ZNF184: variants seen among roughly 807,000 people sequenced by gnomAD.
ZNF184 encodes the protein zinc finger protein 184 (Kruppel-like).
A neutral mutation model predicts 54.4 loss-of-function variants in ZNF184; 16 were observed. The ratio of observed to expected loss-of-function variants is 0.29; its 90% CI spans 0.20 to 0.45. The LOEUF is 0.45. Among genes scored for constraint, ZNF184 ranks in the 20% least tolerant of loss-of-function variants. ZNF184 has a pLI of 1.00. For missense variants in ZNF184, 681 were observed against 888.2 expected, an observed-to-expected ratio of 0.77 and a Z score of 2.97; for synonymous variants, 254 against 295.3, an observed-to-expected ratio of 0.86 and a Z score of 1.43.
rs375414852 is a variant in ZNF184, at chr6:27,465,442, G to A, written c.75+2411C>T. Among the ~76,000 whole-genome samples, 66 of 108,346 alleles carry A rather than the reference G, an allele frequency of 6.1e-4. 1 individual carries two copies. Among genetic ancestry groups the A allele is most frequent in the African/African-American group, 2.2e-3 (61 of 27,718 alleles). 71.1% of individuals were successfully genotyped at this position (108,346 alleles called of 152,430 possible). A position where few individuals can be genotyped will look rare whatever the true frequency, so the allele number is the denominator to read the frequency against. ...GGAGCTTGCAGTGAGCTGAGATCGC[G>A]CCACTGCACTCCAGGCTGGGCAACA... On this transcript the variant is annotated intron_variant, in intron 3 of 5. Transcript: ENST00000683788.
the ZNF184 span, among the ~76,000 whole-genome samples, chr6:27,428,925 G>A: frequency 2.0e-5 from 3 of 152,208 alleles, no homozygotes; most frequent in African/African-American, 7.2e-5. The surrounding 1 kb of genome is among the most constrained non-coding windows in gnomAD (Gnocchi z 4.1). Context: ...CTGGCTAAGT[G>A]TTGGTGAGTG....
downstream of ZNF184, among the ~76,000 whole-genome samples, chr6:27,447,168 T>C (rs1762647403): frequency 6.6e-6 from 1 of 152,098 alleles, no homozygotes; most frequent in Admixed American, 6.5e-5. Flanking sequence ...TGGAGAGAAT[T>C]TGCCTCAGGA....
At chr6:27,443,695 A>G in the ZNF184 span, among the ~76,000 whole-genome samples, 1 of 152,072 alleles carries the variant, frequency 6.6e-6, no homozygotes, top group East Asian at 1.9e-4. Context: ...CCTCCCTTTA[A>G]TACTTCAACT....
At chr6:27,461,362 A>G (rs571628367) in intron 3 of ZNF184, among the ~76,000 whole-genome samples, 2 of 152,238 alleles carry the variant, frequency 1.3e-5, no homozygotes, top group Admixed American at 1.3e-4. Flanking sequence ...TTGCTGTAAT[A>G]TTTGTTAGCC....
At chr6:27,422,151 AGAAAGAAAGAAAGAAAGAAAGAAAG>A in the ZNF184 span, among the ~76,000 whole-genome samples, 9 of 89,628 alleles carry the variant, frequency 1.0e-4, 1 homozygote, top group African/African-American at 4.5e-4. Context: ...AAAAAAAAAA[AGAAAGAAAGAAAGAAAGAAAGAAAG>A]AAAGAAAGAA....
At chr6:27,466,538 C>G (rs1394426597) in intron 3 of ZNF184, among the ~76,000 whole-genome samples, 1 of 152,120 alleles carries the variant, frequency 6.6e-6, no homozygotes, top group African/African-American at 2.4e-5. Flanking sequence ...ATTCAAGTCA[C>G]ACAAGGTATG....
the ZNF184 span, among the ~76,000 whole-genome samples, chr6:27,444,132 T>G: frequency 6.6e-6 from 1 of 152,138 alleles, no homozygotes; most frequent in East Asian, 1.9e-4. Context: ...TGACCTGATC[T>G]CCTCTTCTTA....
the ZNF184 span, among the ~76,000 whole-genome samples, chr6:27,417,651 A>G: frequency 1.3e-5 from 2 of 152,194 alleles, no homozygotes; most frequent in African/African-American, 4.8e-5. Context: ...GTGTAAATAA[A>G]GAGATTGGAT....
rs1046716309 is a variant in ZNF184 at position 27,451,906 on chromosome 6, A to G, written c.1653T>C (p.Ile551=). 6.2e-7 allele frequency: 1 copy of G among 1,612,456 alleles called. No homozygotes were observed. The highest frequency in any genetic ancestry group is 8.5e-7 in the Non-Finnish European group (1 of 1,179,988). The stretch of plus-strand genomic sequence containing the variant: ...ACTGATAGGGTTTCTCTCCAGTATG[A>G]ATTCTTTCATGCTTAGCAAGAGATG... ...RSSSLAKHER[I]HTGEKPYQCH... Residue 551 remains isoleucine (I), a synonymous_variant, in exon 6 of 6, where the codon ATT becomes ATC. Transcript: ENST00000683788.
chr6:27,465,171 AAAGAAAAG>A (rs1418568405), intron 3 of ZNF184, among the ~76,000 whole-genome samples: 2 of 144,174 alleles, frequency 1.4e-5, no homozygotes, highest in African/African-American at 5.2e-5. Context: ...TTTAAAAAAA[AAAGAAAAG>A]AAAAGAAAAG....
the ZNF184 span, among the ~76,000 whole-genome samples, chr6:27,439,069 A>G: frequency 6.6e-6 from 1 of 152,226 alleles, no homozygotes; most frequent in African/African-American, 2.4e-5. Flanking sequence ...TATGCAGATC[A>G]GCAGCATCAC....
At chr6:27,465,169 A>G (rs1353924389) in intron 3 of ZNF184, among the ~76,000 whole-genome samples, 2 of 148,458 alleles carry the variant, frequency 1.3e-5, no homozygotes, top group African/African-American at 2.5e-5. Context: ...TATTTAAAAA[A>G]AAAAGAAAAG....
intron 3 of ZNF184, among the ~76,000 whole-genome samples, chr6:27,460,365 T>C (rs1040926956): frequency 2.0e-5 from 3 of 152,186 alleles, no homozygotes; most frequent in African/African-American, 7.2e-5. Context: ...CATTAGGACT[T>C]TTCCCTCTAA....
the ZNF184 span, among the ~76,000 whole-genome samples, chr6:27,436,596 A>G: frequency 6.6e-6 from 1 of 152,168 alleles, no homozygotes; most frequent in Non-Finnish European, 1.5e-5. Flanking sequence ...CAGTTGTTAA[A>G]CCATTCATAC....
In ZNF184 at chr6:27,451,493, T is replaced by C. The variant is rs769519936; in HGVS notation, c.2066A>G (p.Gln689Arg). 2.4e-5 allele frequency: 38 copies of C among 1,614,058 alleles called. No homozygotes were observed. Among genetic ancestry groups the C allele is most frequent in the Non-Finnish European group, 3.1e-5 (36 of 1,180,014 alleles). Residue 689 changes from glutamine (Q) to arginine (R), a missense_variant, in exon 6 of 6, where the codon CAG (glutamine) becomes CGG (arginine). Coordinates refer to ENST00000683788, the MANE Select transcript of ZNF184 (RefSeq NM_001318891.2). ...AGGTTTCTCTCCAGTATGAGTATTCTGATGTTCAGTCAGATGAGTGCTCCG... is the reference window on the plus strand; with the variant it reads ...AGGTTTCTCTCCAGTATGAGTATTCCGATGTTCAGTCAGATGAGTGCTCCG... ...FSRSTHLTEH[Q>R]NTHTGEKPYN...
At chr6:27,412,628 C>T in the ZNF184 span, among the ~76,000 whole-genome samples, 3 of 152,130 alleles carry the variant, frequency 2.0e-5, no homozygotes, top group Non-Finnish European at 1.5e-5. Flanking sequence ...TATGAGTGAC[C>T]ATGGCCTGTG....
chr6:27,424,344 T>C, the ZNF184 span, among the ~76,000 whole-genome samples: 15 of 152,274 alleles, frequency 9.9e-5, no homozygotes, highest in Middle Eastern at 3.4e-3. Context: ...AGAACAAAGC[T>C]TCCACAGGGT....
chr6:27,458,784 T>C (rs1392591023), intron 3 of ZNF184, among the ~76,000 whole-genome samples: 1 of 152,216 alleles, frequency 6.6e-6, no homozygotes, highest in Non-Finnish European at 1.5e-5. Flanking sequence ...ATCCCCATGT[T>C]TGCTATGGCT....
At chr6:27,467,502 G>C (rs971071413) in intron 3 of ZNF184, among the ~76,000 whole-genome samples, 3 of 152,132 alleles carry the variant, frequency 2.0e-5, no homozygotes, top group Non-Finnish European at 4.4e-5. Context: ...CGCTCAGGCA[G>C]GAGAATTGCT....
Sources: gnomAD v4.1 joint callset for allele counts (sites outside exome capture counted in the v4.1 genomes callset) on GRCh38, gnomAD v4.1.1 for gene constraint, Gnocchi (gnomAD v3.1) non-coding constraint, MANE v1.5 for transcripts, NCBI Gene and HGNC (gene_info 2026-07-23, HGNC 2026-07-21) for gene names.